Variants in GALNTL6 observed in about 807,000 individuals in gnomAD.
GALNTL6 encodes the protein polypeptide N-acetylgalactosaminyltransferase like 6.
GALNTL6 carries 46 observed loss-of-function variants against 73.7 expected under a neutral mutation model. The ratio of observed to expected loss-of-function variants is 0.62; its 90% confidence interval spans 0.49 to 0.80. GALNTL6 has a LOEUF of 0.80. GALNTL6 is among the 30% of genes least tolerant of loss of function. GALNTL6 has a pLI of 0.00. For missense variants in GALNTL6, 604 were observed against 755.0 expected (o/e 0.80, Z 2.34); for synonymous variants, 259 against 263.7 (o/e 0.98, Z 0.17).
intron 2 of GALNTL6, among the ~76,000 whole-genome samples, chr4:172,094,475 A>G (rs2110947216): frequency 6.6e-6 from 1 of 152,232 alleles, no homozygotes; most frequent in East Asian, 1.9e-4. Flanking sequence ...TTAAAAGTGC[A>G]TGAATAATGT....
At chr4:171,969,960 G>A (rs529830586) in intron 2 of GALNTL6, among the ~76,000 whole-genome samples, 5 of 152,084 alleles carry the variant, frequency 3.3e-5, no homozygotes, top group East Asian at 1.9e-4. Flanking sequence ...TAGTAGACAC[G>A]GGATTTCACC....
chr4:172,133,550 G>A (rs1733555710), intron 2 of GALNTL6, among the ~76,000 whole-genome samples: 1 of 152,158 alleles, frequency 6.6e-6, no homozygotes, highest in African/African-American at 2.4e-5. Flanking sequence ...AAACACTCTT[G>A]GGTTTGTGTT....
chr4:172,637,565 A>G (rs1025912329), intron 5 of GALNTL6, among the ~76,000 whole-genome samples: 8 of 152,202 alleles, frequency 5.3e-5, no homozygotes, highest in Admixed American at 2.6e-4. Context: ...TATTGAAAGC[A>G]TAAGTATTCA....
intron 2 of GALNTL6, among the ~76,000 whole-genome samples, chr4:172,132,718 T>A (rs1386466244): frequency 6.6e-6 from 1 of 152,198 alleles, no homozygotes; most frequent in East Asian, 1.9e-4. Flanking sequence ...TTGGAACCTT[T>A]CAGTGTTTTT....
chr4:172,742,983 A>C (rs1249927076), intron 5 of GALNTL6, among the ~76,000 whole-genome samples: 1 of 152,022 alleles, frequency 6.6e-6, no homozygotes, highest in Non-Finnish European at 1.5e-5. Context: ...AGGTCAAATA[A>C]TCCCAATTAA....
chr4:171,846,976 G>A (rs1186027006), intron 2 of GALNTL6, among the ~76,000 whole-genome samples: 1 of 145,152 alleles, frequency 6.9e-6, no homozygotes, highest in Non-Finnish European at 1.5e-5. Flanking sequence ...ATAGTTATAT[G>A]TAATTATACA....
At chr4:172,237,640 GT>G (rs1189479477) in intron 3 of GALNTL6, among the ~76,000 whole-genome samples, 1 of 151,988 alleles carries the variant, frequency 6.6e-6, no homozygotes, top group Non-Finnish European at 1.5e-5. Context: ...TTTTTTTGAT[GT>G]CTTCATCATG....
At chr4:172,114,499 A>G (rs1012743501) in intron 2 of GALNTL6, among the ~76,000 whole-genome samples, 3 of 152,102 alleles carry the variant, frequency 2.0e-5, no homozygotes, top group Admixed American at 2.0e-4. Flanking sequence ...TTGTCAACTT[A>G]CAGCTTTGAC....
At chr4:172,257,176 A>G (rs1177682842) in intron 3 of GALNTL6, among the ~76,000 whole-genome samples, 1 of 151,446 alleles carries the variant, frequency 6.6e-6, no homozygotes, top group Non-Finnish European at 1.5e-5. Context: ...TCCTAAAGCA[A>G]TATCTTTATT....
intron 2 of GALNTL6, among the ~76,000 whole-genome samples, chr4:172,145,717 G>T (rs1325884305): frequency 1.3e-5 from 2 of 151,928 alleles, no homozygotes; most frequent in African/African-American, 2.4e-5. Context: ...CTATATTCAC[G>T]TGGCTACAGG....
rs141875256 is a variant in GALNTL6 at position 172,585,249 on chromosome 4, T to A, written c.554-224112T>A. On this transcript the variant is annotated intron_variant, in intron 5 of 12. Coordinates refer to ENST00000506823, the MANE Select transcript of GALNTL6 (RefSeq NM_001034845.3). ...GTCTCTCCTACTAGACTTTTTTTTT[T>A]AAATTTTACTTTAAGTTTCAGGATA... Among the ~76,000 whole-genome samples, 871 of 152,280 alleles carry A rather than the reference T, an allele frequency of 5.7e-3. 6 individuals carry two copies. Among genetic ancestry groups the A allele is most frequent in the African/African-American group, 0.02 (821 of 41,550 alleles).
At chr4:172,145,039 T>C (rs1306140795) in intron 2 of GALNTL6, among the ~76,000 whole-genome samples, 1 of 152,044 alleles carries the variant, frequency 6.6e-6, no homozygotes, top group Non-Finnish European at 1.5e-5. Context: ...CTCACTGCAG[T>C]CTCAACCTCC....
intron 2 of GALNTL6, among the ~76,000 whole-genome samples, chr4:172,059,445 C>T (rs1487061229): frequency 6.6e-6 from 1 of 151,984 alleles, no homozygotes; most frequent in Non-Finnish European, 1.5e-5. Flanking sequence ...CTCAAAATGA[C>T]ACAGAGAAAT....
intron 6 of GALNTL6, among the ~76,000 whole-genome samples, chr4:172,810,489 A>G (rs750375): frequency 0.18 from 26,783 of 152,152 alleles, 2,760 homozygotes; most frequent in East Asian, 0.25. Flanking sequence ...AACTAAAGTC[A>G]CTAGCAACTG....
At chr4:172,308,003 C>CTTTTTTTTTTTTTTTTTTTTTTTTTT (rs70941399) in intron 3 of GALNTL6, among the ~76,000 whole-genome samples, 1 of 34,588 alleles carries the variant, frequency 2.9e-5, no homozygotes, top group Admixed American at 6.2e-4. Context: ...TGTGTTTTAA[C>CTTTTTTTTTTTTTTTTTTTTTTTTTT]TTTTTTTTTT....
chr4:171,847,681 C>T (rs774681930), intron 2 of GALNTL6, among the ~76,000 whole-genome samples: 1 of 152,142 alleles, frequency 6.6e-6, no homozygotes, highest in Non-Finnish European at 1.5e-5. Context: ...ACACCCTTAC[C>T]AGGAGTAGAT....
intron 2 of GALNTL6, among the ~76,000 whole-genome samples, chr4:172,024,254 A>C (rs1741488924): frequency 1.3e-5 from 2 of 151,834 alleles, no homozygotes; most frequent in African/African-American, 4.8e-5. Flanking sequence ...ACATATATAC[A>C]TATCAAATGT....
chr4:172,532,955 G>T (rs1735215744), intron 5 of GALNTL6, among the ~76,000 whole-genome samples: 1 of 151,390 alleles, frequency 6.6e-6, no homozygotes, highest in Admixed American at 6.6e-5. Flanking sequence ...AAGCAAGAGT[G>T]AATGAAAAAG....
intron 5 of GALNTL6, among the ~76,000 whole-genome samples, chr4:172,806,193 G>T (rs1438974789): frequency 6.6e-6 from 1 of 152,066 alleles, no homozygotes; most frequent in Non-Finnish European, 1.5e-5. Flanking sequence ...CCCTCAAAGT[G>T]CAGTCAACTA....
Sources: gnomAD v4.1 joint callset for allele counts (sites outside exome capture counted in the v4.1 genomes callset) on GRCh38, gnomAD v4.1.1 for gene constraint, MANE v1.5 for transcripts, NCBI Gene and HGNC (gene_info 2026-07-23, HGNC 2026-07-21) for gene names.